The following SORBS2 variants were observed in gnomAD, a reference collection of about 807,000 sequenced individuals.
The protein encoded by SORBS2 is sorbin and SH3 domain-containing protein 2.
Under a neutral mutation model 97.7 loss-of-function variants are expected in SORBS2, and 46 were observed. The ratio of observed to expected loss-of-function variants is 0.47; its 90% confidence interval spans 0.37 to 0.60. The LOEUF (loss-of-function observed/expected upper bound fraction) is 0.60. Among genes scored for constraint, SORBS2 ranks in the 20% least tolerant of loss-of-function variants. The probability of loss-of-function intolerance (pLI) is 0.00; values close to 1 mark genes in which losing one functional copy is unlikely to be tolerated. For synonymous variants in SORBS2, 476 were observed against 473.4 expected (o/e 1.01, Z -0.07); for missense variants, 1,316 against 1,282.3 (o/e 1.03, Z -0.40).
At chr4:185,858,098 C>G (rs2099221660) in intron 1 of SORBS2, among the ~76,000 whole-genome samples, 1 of 152,192 alleles carries the variant, frequency 6.6e-6, no homozygotes, top group Admixed American at 6.5e-5. Flanking sequence ...CATCACGGTC[C>G]TATCAATATG....
chr4:185,908,317 ATATATT>A (rs1302381808), intron 1 of SORBS2, among the ~76,000 whole-genome samples: 38 of 133,594 alleles, frequency 2.8e-4, no homozygotes, highest in Non-Finnish European at 5.1e-4. Flanking sequence ...ATATATATAT[ATATATT>A]TGTATACACA....
rs150711732 is a variant in SORBS2 at position 185,605,677 on chromosome 4, C to T, written c.2796+6103G>A. 1.0e-3 allele frequency among the ~76,000 whole-genome samples: 153 copies of T among 152,018 alleles called. 3 individuals carry two copies. The East Asian group carries it at 0.026, about 26-fold the overall frequency. ...TCAGCTCATTACAACCTCCTCCTCC[C>T]GGGTTCAAGTGATTCTCCTGCCTCA... On this transcript the variant is annotated intron_variant, in intron 12 of 14. Transcript: ENST00000418609.
intron 2 of SORBS2, among the ~76,000 whole-genome samples, chr4:185,735,258 T>C (rs2098675836): frequency 6.6e-6 from 1 of 152,136 alleles, no homozygotes; most frequent in Non-Finnish European, 1.5e-5. Context: ...GGGATGGCCC[T>C]GATTTCACGG....
chr4:185,731,866 CTATATATATA>C (rs544211866), intron 2 of SORBS2, among the ~76,000 whole-genome samples: 1,359 of 24,370 alleles, frequency 0.056, 28 homozygotes, highest in South Asian at 0.091. Context: ...CTCTCTCTCT[CTATATATATA>C]TATATATATA....
intron 2 of SORBS2, chr4:185,771,955 C>A (rs1449368407): frequency 6.6e-6 from 1 of 152,116 alleles, no homozygotes; most frequent in East Asian, 1.9e-4. Context: ...GTCATATTTT[C>A]ATTGGAGATT....
At chr4:185,947,612 GTT>G (rs58097690) in intron 1 of SORBS2, among the ~76,000 whole-genome samples, 85,302 of 150,716 alleles carry the variant, frequency 0.57, 24,122 homozygotes, top group East Asian at 0.66. Context: ...TTTTTCTTGG[GTT>G]TTTTTTTTCT....
At chr4:185,752,368 C>T (rs952596380) in intron 2 of SORBS2, among the ~76,000 whole-genome samples, 11 of 152,134 alleles carry the variant, frequency 7.2e-5, no homozygotes, top group Non-Finnish European at 1.2e-4. Flanking sequence ...CTCCGCCTCC[C>T]GGGTTCGCGC....
intron 1 of SORBS2, among the ~76,000 whole-genome samples, chr4:185,886,746 C>A (rs1485408167): frequency 6.6e-6 from 1 of 152,000 alleles, no homozygotes; most frequent in African/African-American, 2.4e-5. Flanking sequence ...CATGAGAGAA[C>A]CGGGACTTGG....
At chr4:185,686,122 TA>T (rs1367404419) in intron 2 of SORBS2, among the ~76,000 whole-genome samples, 1 of 152,138 alleles carries the variant, frequency 6.6e-6, no homozygotes, top group South Asian at 2.1e-4. Flanking sequence ...TTGAAAGTTA[TA>T]AAAAAAGACA....
intron 1 of SORBS2, among the ~76,000 whole-genome samples, chr4:185,838,530 C>T (rs1188972493): frequency 2.0e-5 from 3 of 152,194 alleles, no homozygotes; most frequent in Admixed American, 6.5e-5. Flanking sequence ...CCAGCAGATT[C>T]GAGATGCAGT....
chr4:185,688,446 T>A (rs1331043410), intron 2 of SORBS2, among the ~76,000 whole-genome samples: 1 of 131,288 alleles, frequency 7.6e-6, no homozygotes, highest in Non-Finnish European at 1.8e-5. Flanking sequence ...ATATAGATTA[T>A]CTGCATTGTC....
chr4:185,605,742 G>A (rs1411667725), intron 12 of SORBS2, among the ~76,000 whole-genome samples: 5 of 152,056 alleles, frequency 3.3e-5, no homozygotes, highest in African/African-American at 4.8e-5. Flanking sequence ...CCACCACCAC[G>A]CCTGGCTAGT....
intron 2 of SORBS2, among the ~76,000 whole-genome samples, chr4:185,680,600 T>C (rs759065018): frequency 6.6e-6 from 1 of 152,080 alleles, no homozygotes; most frequent in Non-Finnish European, 1.5e-5. Flanking sequence ...ATAACAATGA[T>C]TATATTCTGA....
Position 185,626,988 on chromosome 4 carries a change from G to A in SORBS2, c.478C>T (p.Arg160Trp), listed in dbSNP as rs368735752. 2.1e-5 allele frequency: 34 copies of A among 1,613,976 alleles called. 1 individual carries two copies. Among genetic ancestry groups the A allele is most frequent in the South Asian group, 1.8e-4 (16 of 91,092 alleles). Residue 160 changes from arginine to tryptophan, a missense_variant, in exon 6 of 15, where the codon CGG becomes TGG. Coordinates refer to ENST00000418609, the Ensembl canonical transcript of SORBS2. Reference sequence around the variant, plus strand: ...CCCACTGCAGGCTCGCTCTTCCTCCGCTTCCTGAAGTCACTGGCCATGCTT... The same window carrying A: ...CCCACTGCAGGCTCGCTCTTCCTCCACTTCCTGAAGTCACTGGCCATGCTT...
At chr4:185,698,909 T>C (rs1157282371) in intron 2 of SORBS2, among the ~76,000 whole-genome samples, 1 of 152,152 alleles carries the variant, frequency 6.6e-6, no homozygotes, top group Admixed American at 6.5e-5. Flanking sequence ...TTAGTAAGTA[T>C]ATCTATTTTA....
At chr4:185,843,176 G>C (rs894003721) in intron 1 of SORBS2, among the ~76,000 whole-genome samples, 2 of 152,186 alleles carry the variant, frequency 1.3e-5, no homozygotes, top group Admixed American at 1.3e-4. Flanking sequence ...GCAGGAAAAG[G>C]CCCCCACAAA....
chr4:185,763,857 C>G (rs2098918926), intron 2 of SORBS2, among the ~76,000 whole-genome samples: 1 of 152,180 alleles, frequency 6.6e-6, no homozygotes, highest in African/African-American at 2.4e-5. Context: ...TGTCTACCAG[C>G]TTTCGCATTT....
intron 4 of SORBS2, among the ~76,000 whole-genome samples, chr4:185,663,507 G>C (rs1211964674): frequency 6.6e-6 from 1 of 152,068 alleles, no homozygotes; most frequent in Non-Finnish European, 1.5e-5. Flanking sequence ...ATCATAACCA[G>C]CCACATCTTG....
At chr4:185,645,080 T>G (rs1028675819) in intron 4 of SORBS2, among the ~76,000 whole-genome samples, 1 of 152,174 alleles carries the variant, frequency 6.6e-6, no homozygotes, top group Non-Finnish European at 1.5e-5. Flanking sequence ...TTTTACTGAA[T>G]GACTAAATAA....
Sources: allele counts gnomAD v4.1 joint callset (sites outside exome capture counted in the v4.1 genomes callset), GRCh38; gene constraint gnomAD v4.1.1; transcripts MANE v1.5; gene names NCBI Gene and HGNC (gene_info 2026-07-23, HGNC 2026-07-21).